DIAPH3: variants seen among roughly 807,000 people sequenced by gnomAD.
The protein encoded by DIAPH3 is diaphanous related formin 3, also known as protein diaphanous homolog 3.
A neutral mutation model predicts 144.3 loss-of-function variants in DIAPH3; 117 were observed. The observed-to-expected ratio is 0.81, with a 90% CI of 0.70 to 0.95. DIAPH3 has a LOEUF of 0.95. Ranked by LOEUF, DIAPH3 falls within the 40% of genes least tolerant of loss-of-function variation. DIAPH3 has a pLI of 0.00. For missense variants in DIAPH3, 1,421 were observed against 1,412.7 expected (o/e 1.01, Z -0.09); for synonymous variants, 519 against 488.9 (o/e 1.06, Z -0.81).
chr13:59,863,004 A>T (rs1418138264), intron 21 of DIAPH3, among the ~76,000 whole-genome samples: 1 of 152,186 alleles, frequency 6.6e-6, no homozygotes, highest in South Asian at 2.1e-4. Context: ...AGTTGATCAA[A>T]TTAACATAAA....
At chr13:59,970,303 C>G (rs1291410807) in intron 16 of DIAPH3, among the ~76,000 whole-genome samples, 2 of 152,184 alleles carry the variant, frequency 1.3e-5, no homozygotes, top group Non-Finnish European at 2.9e-5. Context: ...TTAGCTTCTT[C>G]TCAATTGCAT....
At chr13:59,939,443 T>G (rs1288419909) in intron 17 of DIAPH3, among the ~76,000 whole-genome samples, 1 of 152,172 alleles carries the variant, frequency 6.6e-6, no homozygotes, top group Non-Finnish European at 1.5e-5. Flanking sequence ...TACTCCGTCA[T>G]TAAAGGTGCA....
At chr13:59,880,273 T>C (rs1384232685) in intron 20 of DIAPH3, among the ~76,000 whole-genome samples, 1 of 152,152 alleles carries the variant, frequency 6.6e-6, no homozygotes, top group African/African-American at 2.4e-5. Flanking sequence ...GCTGAAGACA[T>C]ACCACATATG....
intron 17 of DIAPH3, among the ~76,000 whole-genome samples, chr13:59,949,738 T>G (rs1447505275): frequency 6.6e-6 from 1 of 152,192 alleles, no homozygotes; most frequent in Non-Finnish European, 1.5e-5. Context: ...ACTTATAATC[T>G]GTAGTGGAGA....
At chr13:59,962,015 T>C (rs901488116) in intron 17 of DIAPH3, among the ~76,000 whole-genome samples, 1 of 152,194 alleles carries the variant, frequency 6.6e-6, no homozygotes, top group Non-Finnish European at 1.5e-5. Flanking sequence ...CAGTCTGATG[T>C]TGAAACTGCC....
At chr13:59,900,615 AAAACAGT>A (rs1442871069) in intron 20 of DIAPH3, among the ~76,000 whole-genome samples, 2 of 152,336 alleles carry the variant, frequency 1.3e-5, no homozygotes, top group African/African-American at 4.8e-5. Flanking sequence ...AAGACTGAGA[AAAACAGT>A]AAGGTTTGCA....
At chr13:59,799,253 T>A (rs116830740) in intron 25 of DIAPH3, among the ~76,000 whole-genome samples, 56 of 151,880 alleles carry the variant, frequency 3.7e-4, no homozygotes, top group African/African-American at 1.3e-3. Context: ...AAAGAGGGCA[T>A]ATGCACAGAA....
intron 5 of DIAPH3, among the ~76,000 whole-genome samples, chr13:60,032,719 C>T (rs75591832): frequency 0.037 from 5,576 of 152,316 alleles, 134 homozygotes; most frequent in East Asian, 0.075. Flanking sequence ...TCTGAAATGT[C>T]TTCAAGGTTT....
intron 27 of DIAPH3, among the ~76,000 whole-genome samples, chr13:59,713,608 T>C (rs1048195022): frequency 1.3e-5 from 2 of 152,126 alleles, no homozygotes; most frequent in Non-Finnish European, 2.9e-5. Flanking sequence ...GGGACTAAAG[T>C]GAGTTAATAT....
intron 3 of DIAPH3, among the ~76,000 whole-genome samples, chr13:60,108,468 C>T (rs2058480257): frequency 1.3e-5 from 2 of 151,896 alleles, no homozygotes; most frequent in South Asian, 4.2e-4. Context: ...AATTAGCTGG[C>T]ATGGTGGTAT....
chr13:59,920,330 T>C (rs2047446088), intron 18 of DIAPH3, among the ~76,000 whole-genome samples: 1 of 151,704 alleles, frequency 6.6e-6, no homozygotes, highest in South Asian at 2.1e-4. Flanking sequence ...AAGACACATA[T>C]AAACCAAGTG....
intron 27 of DIAPH3, among the ~76,000 whole-genome samples, chr13:59,768,324 A>G (rs1344146176): frequency 6.6e-6 from 1 of 152,166 alleles, no homozygotes; most frequent in Non-Finnish European, 1.5e-5. Context: ...AAATCAAGTT[A>G]TTTTAATATA....
At chr13:59,907,590 G>T (rs2046802617) in intron 20 of DIAPH3, among the ~76,000 whole-genome samples, 2 of 152,254 alleles carry the variant, frequency 1.3e-5, no homozygotes, top group South Asian at 4.1e-4. Flanking sequence ...ATAGGTACAA[G>T]CCAACTTACG....
intron 19 of DIAPH3, among the ~76,000 whole-genome samples, chr13:59,915,188 G>A (rs1163951635): frequency 6.6e-6 from 1 of 151,878 alleles, no homozygotes; most frequent in Non-Finnish European, 1.5e-5. Context: ...CATGAACGAA[G>A]ATGAAAATCC....
chr13:59,795,213 A>G (rs2039526834), intron 25 of DIAPH3, among the ~76,000 whole-genome samples: 1 of 152,160 alleles, frequency 6.6e-6, no homozygotes, highest in South Asian at 2.1e-4. Context: ...GTAAGACAAA[A>G]AAGTGACTTC....
chr13:59,790,981 T>G (rs1481402289), intron 25 of DIAPH3, among the ~76,000 whole-genome samples: 1 of 152,180 alleles, frequency 6.6e-6, no homozygotes, highest in African/African-American at 2.4e-5. Flanking sequence ...TTATTTATTT[T>G]TTTGAAAGAG....
chr13:60,052,545 C>T (rs747486004), intron 4 of DIAPH3, among the ~76,000 whole-genome samples: 8 of 152,048 alleles, frequency 5.3e-5, no homozygotes, highest in Non-Finnish European at 7.4e-5. Flanking sequence ...GTCATACATG[C>T]CAGCATCTCT....
intron 5 of DIAPH3, among the ~76,000 whole-genome samples, chr13:60,039,295 C>T (rs1414246806): frequency 7.3e-6 from 1 of 136,904 alleles, no homozygotes; most frequent in Admixed American, 8.0e-5. Context: ...TCTACTTTTT[C>T]CTTGATTTCT....
At chr13:59,981,449 T>C (rs1307404003) in intron 13 of DIAPH3, among the ~76,000 whole-genome samples, 1 of 151,106 alleles carries the variant, frequency 6.6e-6, no homozygotes, top group Non-Finnish European at 1.5e-5. Context: ...AACCTAGCAA[T>C]TCCATTTCTG....
Sources: allele counts gnomAD v4.1 joint callset (sites outside exome capture counted in the v4.1 genomes callset), GRCh38; gene constraint gnomAD v4.1.1; transcripts MANE v1.5; gene names NCBI Gene and HGNC (gene_info 2026-07-23, HGNC 2026-07-21).